Variants in KCNQ2 observed in about 807,000 individuals in gnomAD.
The protein encoded by KCNQ2 is potassium voltage-gated channel subfamily Q member 2, also known as potassium voltage-gated channel subfamily KQT member 2.
In KCNQ2, 14 loss-of-function variants were observed where a neutral mutation model predicts 84.8. That is an observed-to-expected ratio of 0.17 (90% CI 0.11 to 0.26). The LOEUF (loss-of-function observed/expected upper bound fraction) is 0.26. Ranked by LOEUF, KCNQ2 falls within the 10% of genes least tolerant of loss-of-function variation. KCNQ2 has a pLI of 1.00. For missense variants in KCNQ2, 788 were observed against 1,254.0 expected (o/e 0.63, Z 5.61); for synonymous variants, 599 against 554.1 (o/e 1.08, Z -1.14).
At chr20:63,426,500 C>CT (rs11479722) in intron 10 of KCNQ2, among the ~76,000 whole-genome samples, 71 of 146,676 alleles carry the variant, frequency 4.8e-4, no homozygotes, top group East Asian at 1.6e-3. Context: ...CCCTGAATGC[C>CT]TTTTTTTTTT....
chr20:63,433,176 G>A (rs2080883812), intron 8 of KCNQ2, among the ~76,000 whole-genome samples: 1 of 152,280 alleles, frequency 6.6e-6, no homozygotes, highest in Non-Finnish European at 1.5e-5. Context: ...CGGGAAAGCC[G>A]CCCTCCGACC....
intron 11 of KCNQ2, among the ~76,000 whole-genome samples, chr20:63,423,320 G>A (rs1702645383): frequency 6.6e-6 from 1 of 152,144 alleles, no homozygotes; most frequent in African/African-American, 2.4e-5. Flanking sequence ...GTCCAGGAGG[G>A]GCAGCCAGGC....
chr20:63,457,918 C>T (rs2081845984), intron 1 of KCNQ2, among the ~76,000 whole-genome samples: 3 of 152,190 alleles, frequency 2.0e-5, no homozygotes, highest in African/African-American at 4.8e-5. Flanking sequence ...CTCGTGACTT[C>T]GCAGCGCCTG....
In KCNQ2 at chr20:63,446,936, C is replaced by T; in HGVS notation, c.297-99G>A. On this transcript the variant is annotated intron_variant, in intron 1 of 16. Transcript: ENST00000359125. The surrounding 1 kb of genome is among the most constrained non-coding windows in gnomAD (Gnocchi z 5.5). ...GACCCCACTCCCCACCAGGCCGCAG[C>T]AGGGCACCAGCATGGCCGCGTCTCC... 9.5e-7 allele frequency: 1 copy of T among 1,053,650 alleles called. No individual in the cohort carries two copies. The highest frequency in any genetic ancestry group is 1.5e-6 in the Non-Finnish European group (1 of 672,968). The allele number at this position is 1,053,650 out of a possible 1,614,324, so 65.3% of individuals were successfully genotyped here.
chr20:63,449,498 A>C (rs1370479304), intron 1 of KCNQ2, among the ~76,000 whole-genome samples: 2 of 152,220 alleles, frequency 1.3e-5, no homozygotes, highest in Non-Finnish European at 2.9e-5. Context: ...CTATTTAGTG[A>C]GCACAGGTCA....
At chr20:63,442,953 TCACC>T (rs2081255580) in intron 4 of KCNQ2, among the ~76,000 whole-genome samples, 2 of 21,878 alleles carry the variant, frequency 9.1e-5, no homozygotes, top group Admixed American at 5.1e-4. Flanking sequence ...ATCACCATCA[TCACC>T]ATCACCACCA....
chr20:63,415,583 G>A (rs1219415198), intron 12 of KCNQ2, among the ~76,000 whole-genome samples: 1 of 152,056 alleles, frequency 6.6e-6, no homozygotes, highest in Non-Finnish European at 1.5e-5. Context: ...TGGGTGGGCA[G>A]CAAGCTCCCC....
At chr20:63,457,879 C>A (rs1434658034) in intron 1 of KCNQ2, among the ~76,000 whole-genome samples, 1 of 152,118 alleles carries the variant, frequency 6.6e-6, no homozygotes, top group African/African-American at 2.4e-5. Context: ...TGGCTCAGCA[C>A]GTGGTTAAAT....
At chr20:63,441,837 C>G (rs918757007) in intron 5 of KCNQ2, among the ~76,000 whole-genome samples, 1 of 152,258 alleles carries the variant, frequency 6.6e-6, no homozygotes, top group Non-Finnish European at 1.5e-5. Flanking sequence ...ATGCCTTCCC[C>G]GCAGGGCTGA....
At chr20:63,415,213 G>A (rs913967680) in intron 12 of KCNQ2, 87 bp from the exon 13 acceptor site, 35 of 1,242,120 alleles carry the variant, frequency 2.8e-5, no homozygotes, top group Admixed American at 3.9e-5. Flanking sequence ...GCTCATGGCC[G>A]ACGCCGCCCA....
chr20:63,448,240 G>A (rs1021350560), intron 1 of KCNQ2: 1 of 152,300 alleles, frequency 6.6e-6, no homozygotes, highest in Non-Finnish European at 1.5e-5. Context: ...ATTTTTCGCA[G>A]GTGTTCTGGG....
In KCNQ2 at chr20:63,407,362, T is replaced by C; in HGVS notation, c.1901A>G (p.Glu634Gly). 3 of 1,597,748 alleles carry C rather than the reference T, an allele frequency of 1.9e-6. No individual in the cohort carries two copies. The highest frequency in any genetic ancestry group is 2.5e-6 in the Non-Finnish European group (3 of 1,179,496). Residue 634 changes from glutamate (E) to glycine (G), a missense_variant, in exon 17 of 17, where the codon GAG becomes GGG. Physicochemically the swap from Glu to Gly is moderately conservative, Grantham distance 98 (BLOSUM62 -2). This residue lies in a region of KCNQ2 where 378 missense variants were observed against 434.5 expected (regional missense o/e 0.87). Transcript: ENST00000359125. The surrounding 1 kb of genome is among the most constrained non-coding windows in gnomAD (Gnocchi z 7.2). ...GKVEKQVLSMEKKLDFLVNIY... is the reference protein window; with the variant it reads ...GKVEKQVLSMGKKLDFLVNIY... ...ATTCACCAGGAAGTCCAGCTTCTTC[T>C]CCATGGACAAGACCTGCAAAAGGGG...
intron 1 of KCNQ2, among the ~76,000 whole-genome samples, chr20:63,467,233 A>C (rs1027915220): frequency 6.6e-6 from 1 of 152,088 alleles, no homozygotes; most frequent in Non-Finnish European, 1.5e-5. Context: ...CCTTCTCCCC[A>C]TATTCAAGGC....
intron 1 of KCNQ2, among the ~76,000 whole-genome samples, chr20:63,471,539 C>CAGCGCAGGAGCTG (rs1005487127): frequency 1.3e-5 from 2 of 152,128 alleles, no homozygotes; most frequent in Non-Finnish European, 2.9e-5. Context: ...AGAGATGGGA[C>CAGCGCAGGAGCTG]AGCGCAGGAG....
At chr20:63,469,673 G>A (rs765457996) in intron 1 of KCNQ2, among the ~76,000 whole-genome samples, 10 of 152,266 alleles carry the variant, frequency 6.6e-5, no homozygotes, top group African/African-American at 9.6e-5. Context: ...CCACAGCTGG[G>A]TGCGGCAGCA....
intron 11 of KCNQ2, among the ~76,000 whole-genome samples, chr20:63,421,603 C>T (rs2145599756): frequency 6.6e-6 from 1 of 152,322 alleles, no homozygotes; most frequent in Non-Finnish European, 1.5e-5. Flanking sequence ...GACCCACAGA[C>T]ACTGACCGAG....
In KCNQ2 at chr20:63,433,827, A is replaced by G. The variant is rs2080902736; in HGVS notation, c.1100T>C (p.Val367Ala). The G allele has an allele frequency of 6.2e-7, 1 of 1,613,848 alleles. No individual in the cohort carries two copies. Among genetic ancestry groups the G allele is most frequent in the Admixed American group, 1.7e-5 (1 of 60,000 alleles). ...HSTWQYYERT[V>A]TVPMYSSQTQ... is the part of the protein sequence containing the mutation. ...GCGGTACCTGTACATGGGCACGGTG[A>G]CCGTTCGCTCGTAGTACTGCCACGT... Residue 367 changes from valine (V) to alanine (A), a missense_variant, in exon 8 of 17, where the codon GTC (valine) becomes GCC (alanine). Transcript: ENST00000359125.
At chr20:63,457,084 C>T (rs960891916) in intron 1 of KCNQ2, among the ~76,000 whole-genome samples, 1 of 152,270 alleles carries the variant, frequency 6.6e-6, no homozygotes, top group Non-Finnish European at 1.5e-5. Context: ...CACCTCCCAC[C>T]TCAGAAGTGA....
Position 63,445,289 on chromosome 20 carries a change from G to A in KCNQ2, c.463C>T (p.Arg155Cys), listed in dbSNP as rs886042698. ...AACTTGAGCCGCCCCCTCCAGCCAC[G>A]GTACCGGCAGCAGCAGCCTGCGGCC... ...IWAAGCCCRYRGWRGRLKFAR... is the reference protein window; with the variant it reads ...IWAAGCCCRYCGWRGRLKFAR... The change falls in exon 3 of 17, where the codon CGT (arginine) becomes TGT (cysteine). Residue 155 changes from arginine to cysteine, a missense_variant. Physicochemically the swap from Arg to Cys is radical, Grantham distance 180 (BLOSUM62 -3). Coordinates refer to ENST00000359125, the MANE Select transcript of KCNQ2 (RefSeq NM_172107.4). 10 of 1,613,802 alleles carry A rather than the reference G, an allele frequency of 6.2e-6. No individual in the cohort carries two copies. Among genetic ancestry groups the A allele is most frequent in the East Asian group, 2.2e-5 (1 of 44,878 alleles).
Sources: allele counts gnomAD v4.1 joint callset (sites outside exome capture counted in the v4.1 genomes callset), GRCh38; gene constraint gnomAD v4.1.1; regional missense constraint gnomAD v4.1.1; non-coding constraint Gnocchi (gnomAD v3.1); transcripts MANE v1.5; gene names NCBI Gene and HGNC (gene_info 2026-07-23, HGNC 2026-07-21).